LRRC53: variants seen among roughly 807,000 people sequenced by gnomAD.
LRRC53 encodes leucine-rich repeat-containing protein 53.
In LRRC53, 25 loss-of-function variants were observed where a neutral mutation model predicts 13.6. The observed-to-expected ratio is 1.83, with a 90% CI of 1.34 to 2.56. The LOEUF is 2.56. LRRC53 is among the 30% of genes most tolerant of loss of function. The pLI, the probability that LRRC53 is intolerant of heterozygous loss-of-function variation, is 0.00. For missense variants in LRRC53, 527 were observed against 275.8 expected, an observed-to-expected ratio of 1.91 and a Z score of -6.45; for synonymous variants, 204 against 109.8, an observed-to-expected ratio of 1.86 and a Z score of -5.37.
At chr1:74,488,172 C>G (rs1004939262) in intron 1 of LRRC53, among the ~76,000 whole-genome samples, 1 of 152,102 alleles carries the variant, frequency 6.6e-6, no homozygotes, top group African/African-American at 2.4e-5. Flanking sequence ...GGTGGTATAG[C>G]CTGACAAGCT....
At chr1:74,489,371 T>C in intron 1 of LRRC53, 1 of 941,118 alleles carries the variant, frequency 1.1e-6, no homozygotes, top group South Asian at 2.0e-5. Context: ...TCCATCCATA[T>C]TTGCCCTATT....
Position 74,471,710 on chromosome 1 carries a change from C to G in LRRC53, c.1912G>C (p.Val638Leu). 2.5e-6 allele frequency: 1 copy of G among 402,288 alleles called. No homozygotes were observed. Among genetic ancestry groups the G allele is most frequent in the Admixed American group, 4.4e-5 (1 of 22,846 alleles). The allele number at this position is 402,288 out of a possible 1,614,324, so 24.9% of individuals were successfully genotyped here. Residue 638 changes from valine to leucine, a missense_variant, in exon 5 of 5, where the codon GTT (valine) becomes CTT (leucine). By Grantham distance (32) the Val-to-Leu change is conservative. Coordinates refer to ENST00000294635, the MANE Select transcript of LRRC53 (RefSeq NM_001382280.1). ...ACTAAATCAGGATCATGGAAGATAA[C>G]CCTCTTTGGGGAATATGCTTTCTTG... ...KTKKAYSPKR[V>L]IFHDPDLVEI... is the part of the protein sequence containing the mutation.
rs1018467534 is a variant in LRRC53 at position 74,472,140 on chromosome 1, T to G, written c.1482A>C (p.Glu494Asp). 8 of 717,170 alleles carry G rather than the reference T, an allele frequency of 1.1e-5. No homozygotes were observed. The highest frequency in any genetic ancestry group is 7.0e-5 in the African/African-American group (4 of 57,236). 44.4% of individuals were successfully genotyped at this position (717,170 alleles called of 1,614,324 possible). A position where few individuals can be genotyped will look rare whatever the true frequency, so the allele number is the denominator to read the frequency against. The change falls in exon 5 of 5, where the codon GAA (glutamate) becomes GAC (aspartate). Residue 494 changes from glutamate to aspartate, a missense_variant. Glu to Asp is a conservative substitution (Grantham distance 45). Coordinates refer to ENST00000294635, the MANE Select transcript of LRRC53 (RefSeq NM_001382280.1). ...YATPASALAG[E>D]SLEKRLTNES... ...CATTTGTTAAACGCTTCTCAAGACT[T>G]TCTCCTGCCAAGGCTGAAGCGGGTG... is the stretch of plus-strand genomic sequence containing the variant.
Position 74,480,625 on chromosome 1 carries a change from A to G in LRRC53, c.432T>C (p.Thr144=), listed in dbSNP as rs1557595051. 3 of 717,290 alleles carry G rather than the reference A, an allele frequency of 4.2e-6. No homozygotes were observed. Among genetic ancestry groups the G allele is most frequent in the Non-Finnish European group, 7.8e-6 (3 of 385,092 alleles). 44.4% of individuals were successfully genotyped at this position (717,290 alleles called of 1,614,324 possible). The change falls in exon 3 of 5, where the codon ACT becomes ACC. Residue 144 remains threonine (T), a synonymous_variant. Coordinates refer to ENST00000294635, the MANE Select transcript of LRRC53 (RefSeq NM_001382280.1). Reference sequence around the variant, plus strand: ...CTCCGAAAGAACTGTCTGTGAGATTAGTAATCTGATTCCCATCCAGCTGGA... The same window carrying G: ...CTCCGAAAGAACTGTCTGTGAGATTGGTAATCTGATTCCCATCCAGCTGGA... ...TRLQLDGNQI[T]NLTDSSFGGT...
At position 74,475,545 on chromosome 1, in the gene LRRC53, A is replaced by G. The variant is rs1406110652; in HGVS notation, c.1170T>C (p.Ser390=). Reference sequence around the variant, plus strand: ...ATGATCCGTCAAGGGTTGCAGACTCAGAGGCCGATGTTGCTTGATGGCTAT... The same window carrying G: ...ATGATCCGTCAAGGGTTGCAGACTCGGAGGCCGATGTTGCTTGATGGCTAT... ...QENSHQATSA[S]ESATLDGSFR... Residue 390 remains serine, a synonymous_variant, in exon 4 of 5, where the codon TCT becomes TCC. Coordinates refer to ENST00000294635, the MANE Select transcript of LRRC53 (RefSeq NM_001382280.1). The G allele has an allele frequency of 1.4e-6, 1 of 717,456 alleles. No homozygotes were observed. Among genetic ancestry groups the G allele is most frequent in the Non-Finnish European group, 2.6e-6 (1 of 384,944 alleles). The allele number at this position is 717,456 out of a possible 1,614,324, so 44.4% of individuals were successfully genotyped here. A position where few individuals can be genotyped will look rare whatever the true frequency, so the allele number is the denominator to read the frequency against.
At chr1:74,497,202 T>A (rs1669372908) in intron 1 of LRRC53, among the ~76,000 whole-genome samples, 1 of 152,140 alleles carries the variant, frequency 6.6e-6, no homozygotes, top group South Asian at 2.1e-4. Context: ...ATGACACTGA[T>A]GTTCCTAGGA....
Position 74,470,791 on chromosome 1 carries a change from T to A in LRRC53, c.2831A>T (p.Tyr944Phe), listed in dbSNP as rs1003790209. Residue 944 changes from tyrosine to phenylalanine, a missense_variant, in exon 5 of 5, where the codon TAC (tyrosine) becomes TTC (phenylalanine). Tyr to Phe is a conservative substitution (Grantham distance 22). Transcript: ENST00000294635. ...AHKTDSYNKE[Y>F]TLDQNEALQH... ...TAAGGCTTCATTTTGGTCTAAAGTG[T>A]ATTCCTTGTTGTAGCTGTCAGTCTT... The A allele has an allele frequency of 2.5e-6, 1 of 400,624 alleles. No homozygotes were observed. Among genetic ancestry groups the A allele is most frequent in the African/African-American group, 2.1e-5 (1 of 48,706 alleles). The allele number at this position is 400,624 out of a possible 1,614,324, so 24.8% of individuals were successfully genotyped here.
intron 2 of LRRC53, 42 bp from the exon 3 acceptor site, chr1:74,481,010 A>T: frequency 1.5e-6 from 1 of 664,840 alleles, no homozygotes; most frequent in South Asian, 1.7e-5. Flanking sequence ...GGTACACATG[A>T]GTGGGAGGGA....
rs36109808 is a variant in LRRC53, at chr1:74,484,212, T to TAA, written c.-26-839_-26-838dup. Among the ~76,000 whole-genome samples, 1,423 of 144,644 alleles carry TAA rather than the reference T, an allele frequency of 9.8e-3. 12 individuals carry two copies. The highest frequency in any genetic ancestry group is 0.016 in the Non-Finnish European group (1,055 of 66,096). The allele number at this position is 144,644 out of a possible 152,430, so 94.9% of individuals were successfully genotyped here. On this transcript the variant is annotated intron_variant, in intron 1 of 4. Coordinates refer to ENST00000294635, the MANE Select transcript of LRRC53 (RefSeq NM_001382280.1). Reference sequence around the variant, plus strand: ...ATTTATAATATCTTCCCTGGTTGATTAAAAAAAAAAAAACAAGGAGCAAAT... The same window carrying TAA: ...ATTTATAATATCTTCCCTGGTTGATTAAAAAAAAAAAAAAACAAGGAGCAAAT...
intron 1 of LRRC53, among the ~76,000 whole-genome samples, chr1:74,504,314 T>A (rs1431882787): frequency 6.6e-6 from 1 of 152,168 alleles, no homozygotes; most frequent in Non-Finnish European, 1.5e-5. Flanking sequence ...GCTGCCTTGC[T>A]CTCTAACGCC....
chr1:74,507,182 T>C (rs976870372), intron 1 of LRRC53, among the ~76,000 whole-genome samples: 2 of 151,804 alleles, frequency 1.3e-5, no homozygotes, highest in Admixed American at 6.6e-5. Context: ...CCAGGAAAAT[T>C]TGCAAATATC....
Position 74,501,455 on chromosome 1 carries a change from G to A in LRRC53, c.-27+11071C>T, listed in dbSNP as rs139035932. On this transcript the variant is annotated intron_variant, in intron 1 of 4. Transcript: ENST00000294635. Reference sequence around the variant, plus strand: ...TCAAGACCAACCAAAACTTCAACTTGGAGGGTTTTTTTTGTTTTGTGTTTG... The same window carrying A: ...TCAAGACCAACCAAAACTTCAACTTAGAGGGTTTTTTTTGTTTTGTGTTTG... Among the ~76,000 whole-genome samples, 7 of 150,460 alleles carry A rather than the reference G, an allele frequency of 4.7e-5. No individual in the cohort carries two copies. In the East Asian group the frequency reaches 1.4e-3, roughly 30 times the overall value.
At chr1:74,501,474 G>GTGTTTTTGTT (rs1553153394) in intron 1 of LRRC53, among the ~76,000 whole-genome samples, 3 of 149,820 alleles carry the variant, frequency 2.0e-5, no homozygotes, top group Non-Finnish European at 3.0e-5. Flanking sequence ...TTTTTGTTTT[G>GTGTTTTTGTT]TGTTTGTTTG....
intron 1 of LRRC53, among the ~76,000 whole-genome samples, chr1:74,490,548 T>A (rs1669015876): frequency 6.6e-6 from 1 of 152,186 alleles, no homozygotes; most frequent in Non-Finnish European, 1.5e-5. Context: ...AGCCTCTTAT[T>A]TATACTCTCT....
At chr1:74,509,902 C>T (rs1303846310) in intron 1 of LRRC53, among the ~76,000 whole-genome samples, 4 of 151,592 alleles carry the variant, frequency 2.6e-5, no homozygotes, top group Non-Finnish European at 4.4e-5. Context: ...TACAGGCATA[C>T]GCCACTGCAC....
At position 74,504,685 on chromosome 1, in the gene LRRC53, G is replaced by A. The variant is rs187031686; in HGVS notation, c.-27+7841C>T. Among the ~76,000 whole-genome samples, 459 of 152,124 alleles carry A rather than the reference G, an allele frequency of 3.0e-3. 1 individual carries two copies. The highest frequency in any genetic ancestry group is 0.011 in the African/African-American group (442 of 41,496). On this transcript the variant is annotated intron_variant, in intron 1 of 4. Coordinates refer to ENST00000294635, the MANE Select transcript of LRRC53 (RefSeq NM_001382280.1). ...ATTTATTGTCACACATAAAAGATTT[G>A]CATGAAAAGAGTGAGCGAGTGACAT...
At chr1:74,529,099 G>A in the LRRC53 span, among the ~76,000 whole-genome samples, 1 of 152,130 alleles carries the variant, frequency 6.6e-6, no homozygotes, top group African/African-American at 2.4e-5. Context: ...ATAAATGATA[G>A]AAGTAAATAA....
intron 1 of LRRC53, among the ~76,000 whole-genome samples, chr1:74,506,363 GC>G (rs1211195489): frequency 6.6e-6 from 1 of 152,136 alleles, no homozygotes; most frequent in African/African-American, 2.4e-5. Context: ...TAAATGGCCT[GC>G]CCAAGGCTTT....
At chr1:74,491,483 G>A (rs1375635981) in intron 1 of LRRC53, among the ~76,000 whole-genome samples, 2 of 151,656 alleles carry the variant, frequency 1.3e-5, no homozygotes, top group South Asian at 2.1e-4. Flanking sequence ...CTCATGATCC[G>A]CTCACCTCAG....
Sources: allele counts gnomAD v4.1 joint callset (sites outside exome capture counted in the v4.1 genomes callset), GRCh38; gene constraint gnomAD v4.1.1; transcripts MANE v1.5; gene names NCBI Gene and HGNC (gene_info 2026-07-23, HGNC 2026-07-21).